The following CHST9 variants were observed in gnomAD, a reference collection of about 807,000 sequenced individuals.
The protein encoded by CHST9 is carbohydrate sulfotransferase 9.
A neutral mutation model predicts 44.4 loss-of-function variants in CHST9; 41 were observed. The observed-to-expected ratio is 0.92, with a 90% CI of 0.72 to 1.20. The LOEUF (loss-of-function observed/expected upper bound fraction) is 1.20, where lower values mean the gene tolerates loss of function less well. Among genes scored for constraint, CHST9 ranks in the 50% most tolerant of loss-of-function variants. The pLI is 0.00. For missense variants in CHST9, 504 were observed against 516.5 expected (o/e 0.98, Z 0.23); for synonymous variants, 171 against 178.4 (o/e 0.96, Z 0.33).
At position 27,174,982 on chromosome 18, in the gene CHST9, C is replaced by T. The variant is rs374691619; in HGVS notation, c.-97+10154G>A. ...AAGAAGGCTTTAAATAAAAACAGTG[C>T]TAACCCAACTCAGTTTTAATGCAGC... On this transcript the variant is annotated intron_variant, in intron 1 of 5. Coordinates refer to ENST00000618847, the MANE Select transcript of CHST9 (RefSeq NM_031422.6). Among the ~76,000 whole-genome samples, 28 of 152,096 alleles carry T rather than the reference C, an allele frequency of 1.8e-4. 1 individual carries two copies. The highest frequency in any genetic ancestry group is 6.7e-4 in the African/African-American group (28 of 41,550).
chr18:27,074,738 A>T (rs780979384), intron 2 of CHST9, among the ~76,000 whole-genome samples: 20 of 151,118 alleles, frequency 1.3e-4, no homozygotes, highest in Admixed American at 3.3e-4. Context: ...TTTTTTAATT[A>T]TTGGTGAGGT....
intron 2 of CHST9, among the ~76,000 whole-genome samples, chr18:27,112,962 G>A (rs1186556939): frequency 1.3e-5 from 2 of 152,028 alleles, no homozygotes; most frequent in Non-Finnish European, 2.9e-5. Context: ...GGCCGAGGCC[G>A]GTGGATCATG....
At chr18:27,109,024 A>G (rs58873251) in intron 2 of CHST9, among the ~76,000 whole-genome samples, 10,482 of 152,292 alleles carry the variant, frequency 0.069, 451 homozygotes, top group East Asian at 0.14. Flanking sequence ...ACACACCAAA[A>G]TATCACGTGA....
chr18:27,162,861 G>C (rs1047929759), intron 1 of CHST9, among the ~76,000 whole-genome samples: 1 of 152,234 alleles, frequency 6.6e-6, no homozygotes, highest in African/African-American at 2.4e-5. Context: ...GTGAGGAGCT[G>C]TGTTCCTTTG....
At chr18:26,992,650 T>C (rs1223763572) in intron 4 of CHST9, among the ~76,000 whole-genome samples, 1 of 152,150 alleles carries the variant, frequency 6.6e-6, no homozygotes, top group Non-Finnish European at 1.5e-5. Context: ...TGTGATTTTG[T>C]GTGCCTTGAT....
At chr18:27,112,092 G>A (rs1336580732) in intron 2 of CHST9, among the ~76,000 whole-genome samples, 1 of 148,048 alleles carries the variant, frequency 6.8e-6, no homozygotes, top group Admixed American at 6.8e-5. Flanking sequence ...ATTTACATAT[G>A]CGTATAAATA....
intron 5 of CHST9, chr18:26,930,807 C>G (rs2055863418): frequency 6.5e-6 from 1 of 153,824 alleles, no homozygotes; most frequent in South Asian, 2.1e-4. Context: ...GCACCTGCCA[C>G]CAGCAGCCCA....
At chr18:27,092,808 G>C (rs1360963390) in intron 2 of CHST9, among the ~76,000 whole-genome samples, 1 of 152,204 alleles carries the variant, frequency 6.6e-6, no homozygotes, top group Non-Finnish European at 1.5e-5. Flanking sequence ...TGGTCTGAGA[G>C]ACAGTTTGTT....
At chr18:27,003,629 C>T (rs964565763) in intron 4 of CHST9, among the ~76,000 whole-genome samples, 3 of 152,104 alleles carry the variant, frequency 2.0e-5, no homozygotes, top group Non-Finnish European at 4.4e-5. Context: ...TCTGATATTC[C>T]TCACATATAG....
intron 2 of CHST9, among the ~76,000 whole-genome samples, chr18:27,128,045 T>C (rs940087542): frequency 6.6e-6 from 1 of 152,118 alleles, no homozygotes; most frequent in Non-Finnish European, 1.5e-5. Context: ...AGTAGAGAAC[T>C]TAGGATTGCC....
At chr18:27,028,943 A>G (rs1321859809) in intron 3 of CHST9, among the ~76,000 whole-genome samples, 1 of 152,226 alleles carries the variant, frequency 6.6e-6, no homozygotes, top group African/African-American at 2.4e-5. Flanking sequence ...TTTAAAATGG[A>G]AGGACAAGGA....
At chr18:27,133,642 G>A (rs527955281) in intron 2 of CHST9, among the ~76,000 whole-genome samples, 1 of 152,258 alleles carries the variant, frequency 6.6e-6, no homozygotes, top group Non-Finnish European at 1.5e-5. Flanking sequence ...GCATATGTAA[G>A]CAAACAAAAG....
intron 1 of CHST9, among the ~76,000 whole-genome samples, chr18:27,177,479 A>T (rs1217894223): frequency 1.3e-5 from 2 of 151,868 alleles, no homozygotes; most frequent in Non-Finnish European, 1.5e-5. Flanking sequence ...AATAGAAATG[A>T]CCGCAAAACT....
Position 26,916,748 on chromosome 18 carries a change from A to G in CHST9, c.843T>C (p.Asp281=), listed in dbSNP as rs1240158301. The change falls in exon 6 of 6, where the codon GAT becomes GAC. Residue 281 remains aspartate (D), a synonymous_variant. Transcript: ENST00000618847. The part of the protein sequence containing the change: ...NTYTKAVFVR[D]PMERLVSAFR... ...AGGCTGATACTAATCTTTCCATGGG[A>G]TCACGAACAAACACAGCTTTGGTGT... 6.2e-7 allele frequency: 1 copy of G among 1,613,878 alleles called. No individual in the cohort carries two copies. The highest frequency in any genetic ancestry group is 1.7e-5 in the Admixed American group (1 of 60,012).
intron 4 of CHST9, among the ~76,000 whole-genome samples, chr18:26,990,158 C>T (rs1044806482): frequency 2.6e-5 from 4 of 151,966 alleles, no homozygotes; most frequent in African/African-American, 9.7e-5. Context: ...TGAGTACATA[C>T]CATATGATTC....
chr18:26,949,420 C>T (rs2056212916), intron 4 of CHST9, among the ~76,000 whole-genome samples: 1 of 151,854 alleles, frequency 6.6e-6, no homozygotes, highest in African/African-American at 2.4e-5. Context: ...TTGCATGTGC[C>T]TGTAGTCCCA....
At chr18:27,031,223 A>G (rs2057337254) in intron 3 of CHST9, among the ~76,000 whole-genome samples, 1 of 152,108 alleles carries the variant, frequency 6.6e-6, no homozygotes, top group Admixed American at 6.5e-5. Flanking sequence ...GCTTCTTCAA[A>G]TTCTAGCTTC....
intron 1 of CHST9, among the ~76,000 whole-genome samples, chr18:27,183,434 A>G (rs751064726): frequency 2.6e-5 from 4 of 152,290 alleles, no homozygotes. Context: ...GACTATCACC[A>G]AGCCTCTGTA....
intron 2 of CHST9, among the ~76,000 whole-genome samples, chr18:27,079,852 A>T (rs894153387): frequency 1.3e-5 from 2 of 152,134 alleles, no homozygotes; most frequent in African/African-American, 4.8e-5. Context: ...TGGCTATCCC[A>T]CTGCTCTCAC....
Sources: gnomAD v4.1 joint callset for allele counts (sites outside exome capture counted in the v4.1 genomes callset) on GRCh38, gnomAD v4.1.1 for gene constraint, MANE v1.5 for transcripts, NCBI Gene and HGNC (gene_info 2026-07-23, HGNC 2026-07-21) for gene names.